NCK2: variants seen among roughly 807,000 people sequenced by gnomAD.
NCK2 encodes the protein cytoplasmic protein NCK2.
NCK2 carries 16 observed loss-of-function variants against 33.9 expected under a neutral mutation model. The ratio of observed to expected loss-of-function variants is 0.47; its 90% confidence interval spans 0.32 to 0.72. The LOEUF is 0.72. Ranked by LOEUF, NCK2 falls within the 30% of genes least tolerant of loss-of-function variation. The pLI, the probability that NCK2 is intolerant of heterozygous loss-of-function variation, is 0.03. For missense variants in NCK2, 418 were observed against 537.3 expected (o/e 0.78, Z 2.19); for synonymous variants, 273 against 239.9 (o/e 1.14, Z -1.27).
At chr2:105,822,665 CA>C (rs1252911819) in intron 2 of NCK2, among the ~76,000 whole-genome samples, 1 of 151,868 alleles carries the variant, frequency 6.6e-6, no homozygotes, top group African/African-American at 2.4e-5. Flanking sequence ...GCTGAAGAAA[CA>C]AAAACAAAAA....
At chr2:105,869,862 TCC>T (rs758230007) in intron 3 of NCK2, among the ~76,000 whole-genome samples, 6 of 152,270 alleles carry the variant, frequency 3.9e-5, no homozygotes, top group Non-Finnish European at 5.9e-5. Context: ...GCATCTGTGT[TCC>T]CATTTGACTT....
chr2:105,797,933 G>A (rs1691144718), intron 1 of NCK2, among the ~76,000 whole-genome samples: 1 of 152,100 alleles, frequency 6.6e-6, no homozygotes, highest in African/African-American at 2.4e-5. Context: ...ATCTTTAAGT[G>A]TTTAATCGTC....
chr2:105,784,806 A>G lies in NCK2; in HGVS notation c.-200-31624A>G, dbSNP rs144618431. On this transcript the variant is annotated intron_variant, in intron 1 of 4. Coordinates refer to ENST00000233154, the MANE Select transcript of NCK2 (RefSeq NM_003581.5). Reference sequence around the variant, plus strand: ...TGTTTCCCACACTTCCCATTTCAACATTCTTAGAATATGCACAAAGAGTGT... The same window carrying G: ...TGTTTCCCACACTTCCCATTTCAACGTTCTTAGAATATGCACAAAGAGTGT... Among the ~76,000 whole-genome samples the G allele has an allele frequency of 2.0e-3, 304 of 152,302 alleles. 1 individual carries two copies. The highest frequency in any genetic ancestry group is 6.9e-3 in the African/African-American group (286 of 41,556).
intron 3 of NCK2, chr2:105,857,006 C>T (rs1296031643): frequency 2.7e-5 from 4 of 148,790 alleles, no homozygotes; most frequent in Non-Finnish European, 5.9e-5. Flanking sequence ...AACATTGTTA[C>T]GTTGTTGACT....
chr2:105,783,585 C>T (rs755522239), intron 1 of NCK2, among the ~76,000 whole-genome samples: 59 of 152,246 alleles, frequency 3.9e-4, no homozygotes, highest in African/African-American at 1.0e-3. Flanking sequence ...GGAAGGCAGC[C>T]GTTCGCGGAG....
intron 1 of NCK2, among the ~76,000 whole-genome samples, chr2:105,797,762 G>A (rs2104440018): frequency 6.6e-6 from 1 of 152,298 alleles, no homozygotes; most frequent in East Asian, 1.9e-4. Flanking sequence ...TGATGTTGTG[G>A]CCTCCTGTCA....
At chr2:105,833,327 C>A (rs980713993) in intron 2 of NCK2, among the ~76,000 whole-genome samples, 16 of 152,104 alleles carry the variant, frequency 1.1e-4, no homozygotes, top group African/African-American at 3.9e-4. Context: ...GAACTCCGGG[C>A]CTCAGGTGAT....
chr2:105,795,069 G>A (rs534489819), intron 1 of NCK2, among the ~76,000 whole-genome samples: 1 of 152,270 alleles, frequency 6.6e-6, no homozygotes, highest in South Asian at 2.1e-4. Context: ...AAGGTACAGA[G>A]TTTTCTCATA....
At chr2:105,885,370 C>T (rs1209596514) in intron 4 of NCK2, among the ~76,000 whole-genome samples, 1 of 152,086 alleles carries the variant, frequency 6.6e-6, no homozygotes, top group Non-Finnish European at 1.5e-5. Flanking sequence ...TGTTTCATTT[C>T]TCTTTTTTAA....
In NCK2 at chr2:105,893,415, C is replaced by T; in HGVS notation, c.*239C>T. 2.1e-6 allele frequency: 1 copy of T among 466,276 alleles called. No homozygotes were observed. Among genetic ancestry groups the T allele is most frequent in the South Asian group, 3.5e-5 (1 of 28,428 alleles). The allele number at this position is 466,276 out of a possible 1,614,324, so 28.9% of individuals were successfully genotyped here. ...AGGAGCAGGGCGAGTTCACATTATTCCTTTTCCATCGGAAGTGGCGCTCGT... is the reference window on the plus strand; with the variant it reads ...AGGAGCAGGGCGAGTTCACATTATTTCTTTTCCATCGGAAGTGGCGCTCGT... On this transcript the variant is annotated 3_prime_UTR_variant, in exon 5 of 5. Coordinates refer to ENST00000233154, the MANE Select transcript of NCK2 (RefSeq NM_003581.5).
chr2:105,888,530 T>C (rs948837929), intron 4 of NCK2, among the ~76,000 whole-genome samples: 4 of 152,224 alleles, frequency 2.6e-5, no homozygotes, highest in East Asian at 1.9e-4. Context: ...AGTCCAATCA[T>C]AGAAAATTGT....
chr2:105,877,068 C>T (rs373783713), intron 3 of NCK2, among the ~76,000 whole-genome samples: 1 of 152,190 alleles, frequency 6.6e-6, no homozygotes, highest in East Asian at 1.9e-4. Flanking sequence ...GACAAGGGAT[C>T]GCTGAGTCCC....
At position 105,838,783 on chromosome 2, in the gene NCK2, C is replaced by G. The variant is rs371908198; in HGVS notation, c.-16-16265C>G. 2.6e-5 allele frequency among the ~76,000 whole-genome samples: 4 copies of G among 152,314 alleles called. No homozygotes were observed. In the East Asian group the frequency reaches 5.8e-4, roughly 22 times the overall value. On this transcript the variant is annotated intron_variant, in intron 2 of 4. Transcript: ENST00000233154. Reference sequence around the variant, plus strand: ...GCCGACCGTAGGCCTTTCATCCACTCTCTCTTTCACATGTTTGCTGAGTAT... The same window carrying G: ...GCCGACCGTAGGCCTTTCATCCACTGTCTCTTTCACATGTTTGCTGAGTAT...
At chr2:105,815,756 G>A (rs998775734) in intron 1 of NCK2, among the ~76,000 whole-genome samples, 10 of 152,176 alleles carry the variant, frequency 6.6e-5, no homozygotes, top group African/African-American at 2.4e-4. Context: ...AATGGCTGGT[G>A]CAACAGACCT....
chr2:105,835,395 A>ATATACATATATATATGTATGTATATG, intron 2 of NCK2, among the ~76,000 whole-genome samples: 1 of 101,018 alleles, frequency 9.9e-6, no homozygotes, highest in Admixed American at 1.1e-4. Context: ...ACACATATAT[A>ATATACATATATATATGTATGTATATG]TATATATATA....
At chr2:105,852,938 A>G (rs1434191413) in intron 2 of NCK2, among the ~76,000 whole-genome samples, 1 of 152,138 alleles carries the variant, frequency 6.6e-6, no homozygotes, top group Non-Finnish European at 1.5e-5. Context: ...CCTTCCCAAA[A>G]GGTTTGTTAT....
At chr2:105,805,950 T>C (rs1675017044) in intron 1 of NCK2, among the ~76,000 whole-genome samples, 1 of 152,142 alleles carries the variant, frequency 6.6e-6, no homozygotes, top group African/African-American at 2.4e-5. Flanking sequence ...AAACATGTAA[T>C]TCATTTATGT....
chr2:105,811,347 A>G (rs1675288525), intron 1 of NCK2, among the ~76,000 whole-genome samples: 1 of 152,206 alleles, frequency 6.6e-6, no homozygotes, highest in Admixed American at 6.5e-5. Context: ...AGTTAGGCCT[A>G]CAGCCCTGTC....
chr2:105,822,647 C>T (rs1465640), intron 2 of NCK2, among the ~76,000 whole-genome samples: 46,630 of 151,820 alleles, frequency 0.31, 7,678 homozygotes, highest in South Asian at 0.39. Context: ...AGTGTGGCTT[C>T]CTAGAAAGCT....
Sources: allele counts gnomAD v4.1 joint callset (sites outside exome capture counted in the v4.1 genomes callset), GRCh38; gene constraint gnomAD v4.1.1; transcripts MANE v1.5; gene names NCBI Gene and HGNC (gene_info 2026-07-23, HGNC 2026-07-21).